The following NLRP1 variants were observed in gnomAD, a reference collection of about 807,000 sequenced individuals.
NLRP1 encodes NACHT, LRR and PYD domains-containing protein 1.
A neutral mutation model predicts 136.7 loss-of-function variants in NLRP1; 94 were observed. The observed-to-expected ratio is 0.69, with a 90% CI of 0.58 to 0.82. NLRP1 has a LOEUF of 0.82. Among genes scored for constraint, NLRP1 ranks in the 40% least tolerant of loss-of-function variants. The probability of loss-of-function intolerance (pLI) is 0.00; values close to 1 mark genes in which losing one functional copy is unlikely to be tolerated. For missense variants in NLRP1, 1,575 were observed against 1,802.7 expected (o/e 0.87, Z 2.29); for synonymous variants, 690 against 725.1 (o/e 0.95, Z 0.78).
intron 3 of NLRP1, among the ~76,000 whole-genome samples, chr17:5,575,610 C>T (rs1181528852): frequency 1.3e-5 from 2 of 152,040 alleles, no homozygotes. Context: ...ACAGGATCAC[C>T]CAGATTCATA....
At position 5,533,956 on chromosome 17, in the gene NLRP1, A is replaced by G. The variant is rs1280557455; in HGVS notation, c.2993T>C (p.Leu998Pro). The G allele has an allele frequency of 1.9e-6, 3 of 1,613,264 alleles. No individual in the cohort carries two copies. The Admixed American group carries it at 5.0e-5, about 27-fold the overall frequency. ...GCTATTACTCATCTCTCCCGTATCC[A>G]GGCCCTCAGTAGGGGTCATCACACT... Reference protein sequence around the residue: ...KPSVMTPTEGLDTGEMSNSTS... With the variant: ...KPSVMTPTEGPDTGEMSNSTS... Residue 998 changes from leucine (L) to proline (P), a missense_variant, in exon 9 of 17, where the codon CTG (leucine) becomes CCG (proline). Physicochemically the swap from Leu to Pro is moderately conservative, Grantham distance 98. Coordinates refer to ENST00000572272, the MANE Select transcript of NLRP1 (RefSeq NM_033004.4).
chr17:5,547,309 G>A (rs62072733), intron 5 of NLRP1, among the ~76,000 whole-genome samples: 1 of 152,036 alleles, frequency 6.6e-6, no homozygotes, highest in Middle Eastern at 3.2e-3. Context: ...TAGCATACAT[G>A]ATCTCCTTTG....
At chr17:5,525,000 G>A (rs933855574) in intron 12 of NLRP1, among the ~76,000 whole-genome samples, 35 of 152,180 alleles carry the variant, frequency 2.3e-4, no homozygotes, top group African/African-American at 8.0e-4. Flanking sequence ...CAGTATATTT[G>A]TGCTGATAGA....
intron 4 of NLRP1, 97 bp downstream of exon 4, chr17:5,558,242 C>A: frequency 7.3e-7 from 1 of 1,369,096 alleles, no homozygotes. Context: ...CCACCCCCAC[C>A]CCCGGCCAGG....
At chr17:5,511,958 G>T, downstream of NLRP1, 1 of 452,122 alleles carries the variant, frequency 2.2e-6, no homozygotes. Context: ...CTGGCTACAA[G>T]GGAGCCCAGC....
At chr17:5,527,265 G>C (rs983560035) in intron 12 of NLRP1, among the ~76,000 whole-genome samples, 1 of 152,212 alleles carries the variant, frequency 6.6e-6, no homozygotes, top group Admixed American at 6.5e-5. Flanking sequence ...TAAAAAATTC[G>C]CAAGAAAGTC....
At position 5,536,116 on chromosome 17, in the gene NLRP1, C is replaced by T. The variant is rs139057935; in HGVS notation, c.2960+735G>A. Among the ~76,000 whole-genome samples, 314 of 152,062 alleles carry T rather than the reference C, an allele frequency of 2.1e-3. 2 individuals are homozygous for T. Among genetic ancestry groups the T allele is most frequent in the African/African-American group, 7.3e-3 (302 of 41,496 alleles). ...CATGCTGTGCTGGGTCCAGGGGATT[C>T]GCTGGCTCACCCACCCACTGACTTT... On this transcript the variant is annotated intron_variant, in intron 8 of 16. Transcript: ENST00000572272.
Position 5,558,731 on chromosome 17 carries a change from C to A in NLRP1, c.1965G>T (p.Lys655Asn), listed in dbSNP as rs1327592387. 6.2e-7 allele frequency: 1 copy of A among 1,614,076 alleles called. No individual in the cohort carries two copies. The highest frequency in any genetic ancestry group is 8.5e-7 in the Non-Finnish European group (1 of 1,180,046). The change falls in exon 4 of 17, where the codon AAG becomes AAT. Residue 655 changes from lysine (K) to asparagine (N), a missense_variant. Physicochemically the swap from Lys to Asn is moderately conservative, Grantham distance 94 (BLOSUM62 0). Coordinates refer to ENST00000572272, the MANE Select transcript of NLRP1 (RefSeq NM_033004.4). ...CATGTATTCCATATGCTTCTAGCGT[C>A]TTTTCCAAATCTATGATGCAATTAG... is the stretch of plus-strand genomic sequence containing the variant. ...KHSNCIIDLE[K>N]TLEAYGIHGL...
chr17:5,558,531 A>T lies in NLRP1; in HGVS notation c.2165T>A (p.Leu722Ter). 6.2e-7 allele frequency: 1 copy of T among 1,614,096 alleles called. No homozygotes were observed. Among genetic ancestry groups the T allele is most frequent in the African/African-American group, 1.3e-5 (1 of 75,028 alleles). ...QPHSLESLHCLYETRNKTFLT... is the reference protein window; with the variant it reads ...QPHSLESLHC ...GAACGTTTTGTTCCGAGTCTCGTAC[A>T]AGCAGTGGAGGGACTCCAGAGAGTG... The change falls in exon 4 of 17, where the codon TTG (leucine) becomes TAG (stop). Residue 722 changes from leucine to a stop codon, truncating the protein, a stop_gained. Transcript: ENST00000572272. LOFTEE classifies it high-confidence loss of function.
intron 3 of NLRP1, among the ~76,000 whole-genome samples, chr17:5,574,072 A>G (rs1202981486): frequency 6.6e-6 from 1 of 152,218 alleles, no homozygotes; most frequent in African/African-American, 2.4e-5. Flanking sequence ...AAGATTAGAC[A>G]AATGGCTAAC....
intron 9 of NLRP1, 135 bp from the exon 10 acceptor site, chr17:5,533,519 GCACTC>G: frequency 1.8e-6 from 1 of 564,026 alleles, no homozygotes; most frequent in Non-Finnish European, 3.2e-6. Flanking sequence ...ACATGCCACT[GCACTC>G]CAGCCTGAAC....
chr17:5,528,850 G>GA (rs1256025115), intron 12 of NLRP1, among the ~76,000 whole-genome samples: 1 of 151,940 alleles, frequency 6.6e-6, no homozygotes, highest in Admixed American at 6.6e-5. Context: ...ATTAAGACAA[G>GA]AAAAAATATT....
intron 4 of NLRP1, among the ~76,000 whole-genome samples, chr17:5,556,582 CAT>C (rs1914113981): frequency 6.6e-6 from 1 of 151,162 alleles, no homozygotes; most frequent in Non-Finnish European, 1.5e-5. Context: ...TCGCCATAGA[CAT>C]GTGCACAGAA....
chr17:5,560,138 C>CGCTTGGCTTGG lies in NLRP1; in HGVS notation c.653-96_653-95insCCAAGCCAAGC, dbSNP rs1270873512. 10 of 1,143,774 alleles carry CGCTTGGCTTGG rather than the reference C, an allele frequency of 8.7e-6. No homozygotes were observed. In the African/African-American group the frequency reaches 1.6e-4, roughly 18 times the overall value. 70.9% of individuals were successfully genotyped at this position (1,143,774 alleles called of 1,614,324 possible). ...TGTTTTAGGCACCTACTCCAAGCCA[C>CGCTTGGCTTGG]ACACTGCGCTGTCTGCAGACACTGG... On this transcript the variant is annotated intron_variant, in intron 3 of 16. Coordinates refer to ENST00000572272, the MANE Select transcript of NLRP1 (RefSeq NM_033004.4).
At chr17:5,522,720 C>T (rs35201225) in intron 12 of NLRP1, among the ~76,000 whole-genome samples, 7,571 of 152,114 alleles carry the variant, frequency 0.05, 216 homozygotes, top group Middle Eastern at 0.095. Flanking sequence ...CAAACTTATA[C>T]GCAAACCCAG....
intron 9 of NLRP1, 60 bp from the exon 10 acceptor site, chr17:5,533,444 T>C (rs1352042724): frequency 2.1e-5 from 15 of 723,158 alleles, no homozygotes; most frequent in Non-Finnish European, 3.7e-5. Context: ...GTCCCAGTTC[T>C]ACTCAGGAGG....
At chr17:5,531,144 GTCTA>G (rs59760618) in intron 11 of NLRP1, among the ~76,000 whole-genome samples, 43,292 of 135,814 alleles carry the variant, frequency 0.32, 7,295 homozygotes, top group Non-Finnish European at 0.4. Context: ...TGTCTTGTCT[GTCTA>G]TCTATCTATC....
intron 15 of NLRP1, 137 bp downstream of exon 15, chr17:5,517,609 A>G: frequency 1.0e-6 from 1 of 969,402 alleles, no homozygotes. Context: ...GCTGGTCTTG[A>G]ACTCCTGACC....
chr17:5,518,962 C>T (rs1908508954), intron 14 of NLRP1, among the ~76,000 whole-genome samples: 1 of 151,916 alleles, frequency 6.6e-6, no homozygotes, highest in African/African-American at 2.4e-5. Context: ...CCTCAGCCTC[C>T]TGAGTATCAG....
Sources: gnomAD v4.1 joint callset for allele counts (sites outside exome capture counted in the v4.1 genomes callset) on GRCh38, gnomAD v4.1.1 for gene constraint, MANE v1.5 for transcripts, NCBI Gene and HGNC (gene_info 2026-07-23, HGNC 2026-07-21) for gene names.